IFI35: variants seen among roughly 807,000 people sequenced by gnomAD.
IFI35 encodes the protein interferon induced protein 35, also known as interferon-induced 35 kDa protein.
IFI35 carries 30 observed loss-of-function variants against 28.6 expected under a neutral mutation model. That is an observed-to-expected ratio of 1.05 (90% confidence interval 0.79 to 1.43). IFI35 has a LOEUF of 1.43. Ranked by LOEUF, IFI35 falls within the 40% of genes most tolerant of loss-of-function variation. IFI35 has a pLI of 0.00. For synonymous variants in IFI35, 146 were observed against 154.8 expected, an observed-to-expected ratio of 0.94 and a Z score of 0.42; for missense variants, 372 against 356.9, an observed-to-expected ratio of 1.04 and a Z score of -0.34.
At chr17:43,013,001 C>A in intron 2 of IFI35, 46 bp from the exon 3 acceptor site, 1 of 1,583,610 alleles carries the variant, frequency 6.3e-7, no homozygotes, top group Non-Finnish European at 8.6e-7. Context: ...TGCCTTCCTC[C>A]TAGGTGGGAG....
chr17:43,012,188 G>A lies in IFI35; in HGVS notation c.31G>A (p.Ala11Thr), dbSNP rs149614000. Reference sequence around the variant, plus strand: ...CCTTCTGCCCCAACAGGCCCTCCACGCCCTTCAGGAGGAGCAGGCCAGACT... The same window carrying A: ...CCTTCTGCCCCAACAGGCCCTCCACACCCTTCAGGAGGAGCAGGCCAGACT... MSAPLDAALH[A>T]LQEEQARLKM... Residue 11 changes from alanine (A) to threonine (T), a missense_variant, in exon 2 of 7, where the codon GCC becomes ACC. Ala to Thr is a moderately conservative substitution (Grantham distance 58). Transcript: ENST00000415816. The A allele has an allele frequency of 5.1e-6, 8 of 1,567,430 alleles. No homozygotes were observed. The highest frequency in any genetic ancestry group is 1.7e-4 in the Middle Eastern group (1 of 5,994).
chr17:43,011,604 T>C (rs1166399987), intron 1 of IFI35, among the ~76,000 whole-genome samples: 1 of 152,226 alleles, frequency 6.6e-6, no homozygotes, highest in Non-Finnish European at 1.5e-5. Context: ...CCTGTTGTTC[T>C]AAGAATTGAA....
At chr17:43,007,165 A>C (rs1293958010) in intron 1 of IFI35, among the ~76,000 whole-genome samples, 197 bp downstream of exon 1, 1 of 152,140 alleles carries the variant, frequency 6.6e-6, no homozygotes, top group African/African-American at 2.4e-5. Context: ...AGACAGGAGG[A>C]GCTCATTAAA....
chr17:43,011,962 G>C, intron 1 of IFI35: 1 of 379,932 alleles, frequency 2.6e-6, no homozygotes, highest in Non-Finnish European at 4.8e-6. Context: ...ACGCTGCAAA[G>C]GCTCCTGCCC....
At position 43,012,285 on chromosome 17, in the gene IFI35, G is replaced by A. The variant is rs762965123; in HGVS notation, c.120+8G>A. The A allele has an allele frequency of 1.3e-5, 20 of 1,556,294 alleles. No individual in the cohort carries two copies. In the East Asian group the frequency reaches 4.6e-4, roughly 35 times the overall value. On this transcript the variant is annotated splice_region_variant and intron_variant, in intron 2 of 6. Coordinates refer to ENST00000415816, the MANE Select transcript of IFI35 (RefSeq NM_001330230.2). ...GACTCCCCCAAAGACAAGGTAAGGTGGGAGATCTGGTGTTGTTTGGTAAAA... is the reference window on the plus strand; with the variant it reads ...GACTCCCCCAAAGACAAGGTAAGGTAGGAGATCTGGTGTTGTTTGGTAAAA...
intron 1 of IFI35, among the ~76,000 whole-genome samples, chr17:43,008,127 C>T (rs2050425998): frequency 6.7e-6 from 1 of 148,194 alleles, no homozygotes; most frequent in South Asian, 2.1e-4. Flanking sequence ...CTCTGCCTCC[C>T]GGGTTCAAGC....
At position 43,013,262 on chromosome 17, in the gene IFI35, C is replaced by A; in HGVS notation, c.269-5C>A. 6.2e-7 allele frequency: 1 copy of A among 1,614,110 alleles called. No homozygotes were observed. Among genetic ancestry groups the A allele is most frequent in the East Asian group, 2.2e-5 (1 of 44,874 alleles). On this transcript the variant is annotated splice_polypyrimidine_tract_variant and splice_region_variant and intron_variant, in intron 3 of 6. Transcript: ENST00000415816. The stretch of plus-strand genomic sequence containing the variant: ...CCAGTACTGACCCTGTTTCCCACCA[C>A]CCAGTGGCTGAGCAGGTGCTGCAAC...
In IFI35 at chr17:43,013,497, C is replaced by G; in HGVS notation, c.397C>G (p.Arg133Gly). The G allele has an allele frequency of 6.2e-7, 1 of 1,613,938 alleles. No individual in the cohort carries two copies. The highest frequency in any genetic ancestry group is 8.5e-7 in the Non-Finnish European group (1 of 1,179,914). Reference sequence around the variant, plus strand: ...CTAGATGTCCAGCCAGTTGAGTGGCCGGAGGGTGTTGGTCACTGGATTTCC... The same window carrying G: ...CTAGATGTCCAGCCAGTTGAGTGGCGGGAGGGTGTTGGTCACTGGATTTCC... ...TIQMSSQLSG[R>G]RVLVTGFPAS... is the part of the protein sequence containing the mutation. The change falls in exon 5 of 7, where the codon CGG becomes GGG. Residue 133 changes from arginine to glycine, a missense_variant. Arg to Gly is a moderately radical substitution (Grantham distance 125). Transcript: ENST00000415816.
intron 1 of IFI35, among the ~76,000 whole-genome samples, chr17:43,007,724 A>G (rs764158839): frequency 1.5e-5 from 2 of 134,298 alleles, no homozygotes; most frequent in East Asian, 2.5e-4. Context: ...TACTAGGGAG[A>G]CTGAGGCGGG....
rs68028192 is a variant in IFI35 at position 43,007,847 on chromosome 17, T to TTATATATATATATATATA, written c.21+888_21+905dup. 1.5e-3 allele frequency among the ~76,000 whole-genome samples: 174 copies of TTATATATATATATATATA among 119,002 alleles called. 3 individuals are homozygous for TTATATATATATATATATA. The highest frequency in any genetic ancestry group is 5.3e-3 in the African/African-American group (138 of 25,962). The allele number at this position is 119,002 out of a possible 152,430, so 78.1% of individuals were successfully genotyped here. ...TCTCACACACACACACACACAAAAT[T>TTATATATATATATATATA]TATATATATATATATATATATATAT... is the stretch of plus-strand genomic sequence containing the variant. On this transcript the variant is annotated intron_variant, in intron 1 of 6. Coordinates refer to ENST00000415816, the MANE Select transcript of IFI35 (RefSeq NM_001330230.2).
chr17:43,007,071 C>T, intron 1 of IFI35, 103 bp downstream of exon 1: 1 of 1,219,494 alleles, frequency 8.2e-7, no homozygotes, highest in Non-Finnish European at 1.2e-6. Context: ...CTCACCCTGC[C>T]CATCTCAGAC....
chr17:43,006,962 G>C lies in IFI35; in HGVS notation c.15G>C (p.Leu5=). ...ACCCGAGACCCATGTCAGCCCCACT[G>C]GATGCCGTAAGTGAGGAGGAGGGAG... The part of the protein sequence containing the change: MSAP[L]DAALHALQEE... The change falls in exon 1 of 7, where the codon CTG becomes CTC. Residue 5 remains leucine (L), a synonymous_variant. Transcript: ENST00000415816. 6.2e-7 allele frequency: 1 copy of C among 1,614,058 alleles called. No individual in the cohort carries two copies. Among genetic ancestry groups the C allele is most frequent in the Non-Finnish European group, 8.5e-7 (1 of 1,179,942 alleles).
In IFI35 at chr17:43,006,888, G is replaced by C. The variant is rs534353640; in HGVS notation, c.-60G>C. 5.6e-6 allele frequency: 9 copies of C among 1,601,118 alleles called. No homozygotes were observed. In the South Asian group the frequency reaches 9.9e-5, roughly 18 times the overall value. ...GTACAAACAAGAGTTCAGTTGCTGT[G>C]AATTCTGCCACTGTGCCCAGCTCTG... On this transcript the variant is annotated 5_prime_UTR_variant, in exon 1 of 7. Coordinates refer to ENST00000415816, the MANE Select transcript of IFI35 (RefSeq NM_001330230.2).
chr17:43,014,306 C>T lies in IFI35; in HGVS notation c.*7C>T. 1 of 1,526,124 alleles carries T rather than the reference C, an allele frequency of 6.6e-7. No homozygotes were observed. Among genetic ancestry groups the T allele is most frequent in the Middle Eastern group, 2.4e-4 (1 of 4,086 alleles). 94.5% of individuals were successfully genotyped at this position (1,526,124 alleles called of 1,614,324 possible). A position where few individuals can be genotyped will look rare whatever the true frequency, so the allele number is the denominator to read the frequency against. On this transcript the variant is annotated 3_prime_UTR_variant, in exon 7 of 7. Coordinates refer to ENST00000415816, the MANE Select transcript of IFI35 (RefSeq NM_001330230.2). ...CACCTCTGAGTCAGGCTAGGGGCCTCCCCTTCTCATCCTCCCCACCCCCCC... is the reference window on the plus strand; with the variant it reads ...CACCTCTGAGTCAGGCTAGGGGCCTTCCCTTCTCATCCTCCCCACCCCCCC...
intron 2 of IFI35, 155 bp from the exon 3 acceptor site, chr17:43,012,892 T>C (rs2050474047): frequency 1.2e-6 from 1 of 803,492 alleles, no homozygotes; most frequent in Admixed American, 2.3e-5. Flanking sequence ...AATTGCCCTG[T>C]ATGGACCAGA....
rs2050470804 is a variant in IFI35, at chr17:43,012,579, A to C, written c.120+302A>C. ...AGGGTGAAACCCCGTCTCTACTAAAAATACAAAAATTAGCTGGGTTTGGTG... is the reference window on the plus strand; with the variant it reads ...AGGGTGAAACCCCGTCTCTACTAAACATACAAAAATTAGCTGGGTTTGGTG... On this transcript the variant is annotated intron_variant, in intron 2 of 6. Transcript: ENST00000415816. 7 of 241,330 alleles carry C rather than the reference A, an allele frequency of 2.9e-5. No homozygotes were observed. The South Asian group carries it at 4.1e-4, about 14-fold the overall frequency. 14.9% of individuals were successfully genotyped at this position (241,330 alleles called of 1,614,324 possible).
intron 1 of IFI35, among the ~76,000 whole-genome samples, chr17:43,010,871 C>G (rs2050452164): frequency 6.6e-6 from 1 of 152,204 alleles, no homozygotes; most frequent in African/African-American, 2.4e-5. Context: ...TCATGCTTCT[C>G]TGAGCTGAAC....
At chr17:43,013,937 AG>A in intron 6 of IFI35, 55 bp downstream of exon 6, 1 of 1,404,224 alleles carries the variant, frequency 7.1e-7, no homozygotes, top group Non-Finnish European at 9.8e-7. Flanking sequence ...TCTGCCTGCC[AG>A]GAACTTGCCC....
At position 43,013,565 on chromosome 17, in the gene IFI35, A is replaced by G. The variant is rs2050485869; in HGVS notation, c.465A>G (p.Leu155=). 2 of 1,613,188 alleles carry G rather than the reference A, an allele frequency of 1.2e-6. No individual in the cohort carries two copies. The highest frequency in any genetic ancestry group is 2.2e-5 in the South Asian group (2 of 91,064). Residue 155 remains leucine (L), a synonymous_variant, in exon 5 of 7, where the codon CTA becomes CTG. Coordinates refer to ENST00000415816, the MANE Select transcript of IFI35 (RefSeq NM_001330230.2). ...GTGAGGAGGAGCTGCTGGACAAGCT[A>G]GAGATCTTCTTTGGCAAGACTAGGA... ...RLSEEELLDK[L]EIFFGKTRNG...
Sources: gnomAD v4.1 joint callset for allele counts (sites outside exome capture counted in the v4.1 genomes callset) on GRCh38, gnomAD v4.1.1 for gene constraint, MANE v1.5 for transcripts, NCBI Gene and HGNC (gene_info 2026-07-23, HGNC 2026-07-21) for gene names.